The following WRAP73 variants were observed in gnomAD, a reference collection of about 807,000 sequenced individuals.
The protein encoded by WRAP73 is WD repeat-containing protein WRAP73.
Under a neutral mutation model 59.6 loss-of-function variants are expected in WRAP73, and 55 were observed. That is an observed-to-expected ratio of 0.92 (90% confidence interval 0.74 to 1.15). The LOEUF is 1.15. Among genes scored for constraint, WRAP73 ranks in the 50% most tolerant of loss-of-function variants. The pLI is 0.00. For missense variants in WRAP73, 592 were observed against 608.1 expected, an observed-to-expected ratio of 0.97 and a Z score of 0.28; for synonymous variants, 265 against 258.2, an observed-to-expected ratio of 1.03 and a Z score of -0.25.
At chr1:3,635,718 G>A (rs1016416770) in intron 6 of WRAP73, 7 of 532,422 alleles carry the variant, frequency 1.3e-5, no homozygotes, top group Non-Finnish European at 2.3e-5. Flanking sequence ...CTACTTGGGA[G>A]GCTGAGGTAG....
rs1038956939 is a variant in WRAP73, at chr1:3,634,936, G to A, written c.816+61C>T. 45 of 1,568,474 alleles carry A rather than the reference G, an allele frequency of 2.9e-5. No homozygotes were observed. The African/African-American group carries it at 4.2e-4, about 15-fold the overall frequency. On this transcript the variant is annotated intron_variant, in intron 8 of 11. Transcript: ENST00000270708. ...ACAATCAAGAAAGCAAAGTGAAGGA[G>A]CAGTTTCCCACCGCCCTCCCCAACA...
Position 3,630,951 on chromosome 1 carries a change from T to G in WRAP73, c.*24A>C, listed in dbSNP as rs539775517. 1.9e-6 allele frequency: 3 copies of G among 1,605,070 alleles called. No homozygotes were observed. Among genetic ancestry groups the G allele is most frequent in the African/African-American group, 2.7e-5 (2 of 74,898 alleles). ...ACTGGAAACACAGAGTAGCCCTGTTTCTGCACACGTTAGTGCACCGCTGCT... is the reference window on the plus strand; with the variant it reads ...ACTGGAAACACAGAGTAGCCCTGTTGCTGCACACGTTAGTGCACCGCTGCT... On this transcript the variant is annotated 3_prime_UTR_variant, in exon 12 of 12. Transcript: ENST00000270708.
intron 3 of WRAP73, among the ~76,000 whole-genome samples, chr1:3,640,297 A>G (rs1644626723): frequency 6.6e-6 from 1 of 152,272 alleles, no homozygotes; most frequent in South Asian, 2.1e-4. Flanking sequence ...TGAGCGAGGA[A>G]GCGTGCTACT....
chr1:3,645,431 ACGGGCGGG>A lies in WRAP73; in HGVS notation c.339+1227_339+1234del, dbSNP rs1557463680. Among the ~76,000 whole-genome samples the A allele has an allele frequency of 3.8e-4, 40 of 104,956 alleles. 1 individual carries two copies. Among genetic ancestry groups the A allele is most frequent in the East Asian group, 3.3e-3 (10 of 2,988 alleles). 68.9% of individuals were successfully genotyped at this position (104,956 alleles called of 152,430 possible). ...CCCGTGGTGTGCGCGGCGCAGCGGG[ACGGGCGGG>A]TTGCCCCGTGGTGTGCGCCGTGCAG... is the stretch of plus-strand genomic sequence containing the variant. On this transcript the variant is annotated intron_variant, in intron 3 of 11. Coordinates refer to ENST00000270708, the MANE Select transcript of WRAP73 (RefSeq NM_017818.4).
In WRAP73 at chr1:3,639,749, A is replaced by C. The variant is rs999694208; in HGVS notation, c.340-927T>G. 6.9e-6 allele frequency: 1 copy of C among 145,346 alleles called. No individual in the cohort carries two copies. The highest frequency in any genetic ancestry group is 1.5e-5 in the Non-Finnish European group (1 of 67,164). The allele number at this position is 145,346 out of a possible 1,614,324, so 9.0% of individuals were successfully genotyped here. A position where few individuals can be genotyped will look rare whatever the true frequency, so the allele number is the denominator to read the frequency against. On this transcript the variant is annotated intron_variant, in intron 3 of 11. Transcript: ENST00000270708. This position sits in a 1 kb window ranked among gnomAD's most constrained non-coding sequence, Gnocchi z 4.3. The stretch of plus-strand genomic sequence containing the variant: ...TGGGGACACAGGGCTGCGCAGCTCC[A>C]TGTGGGGTGGGGTGCTGACTGCCAG...
At chr1:3,631,715 C>T in intron 10 of WRAP73, 58 bp from the exon 11 acceptor site, 1 of 1,544,554 alleles carries the variant, frequency 6.5e-7, no homozygotes, top group Non-Finnish European at 8.7e-7. Context: ...CTGTGTTGGC[C>T]CTGCCCCTCT....
chr1:3,632,094 C>T lies in WRAP73; in HGVS notation c.1048+119G>A, dbSNP rs373242932. The T allele has an allele frequency of 1.9e-5, 28 of 1,504,194 alleles. No homozygotes were observed. The African/African-American group carries it at 3.2e-4, about 17-fold the overall frequency. 93.2% of individuals were successfully genotyped at this position (1,504,194 alleles called of 1,614,324 possible). On this transcript the variant is annotated intron_variant, in intron 10 of 11. Transcript: ENST00000270708. ...GTGAGCACCTCGGCTACTGCAGAAA[C>T]GTGAAAGGAGGTGACGTGTCGGAAA...
chr1:3,645,121 G>A (rs112569332), intron 3 of WRAP73, among the ~76,000 whole-genome samples: 4 of 152,270 alleles, frequency 2.6e-5, no homozygotes, highest in African/African-American at 7.2e-5. Context: ...TTTTAAAATC[G>A]AAACTGAAAA....
intron 3 of WRAP73, among the ~76,000 whole-genome samples, chr1:3,642,139 G>A (rs757852772): frequency 6.6e-6 from 1 of 152,234 alleles, no homozygotes; most frequent in Non-Finnish European, 1.5e-5. Flanking sequence ...TGTAATGCCA[G>A]CTATACAGGA....
At chr1:3,636,771 T>C (rs934282060) in intron 5 of WRAP73, 3 of 606,834 alleles carry the variant, frequency 4.9e-6, no homozygotes, top group Non-Finnish European at 9.2e-6. Flanking sequence ...TGTGACAGCA[T>C]ATTCACTTTT....
chr1:3,633,635 G>T, intron 8 of WRAP73, 132 bp from the exon 9 acceptor site: 1 of 698,578 alleles, frequency 1.4e-6, no homozygotes, highest in Non-Finnish European at 2.4e-6. Context: ...GCTGCCACCG[G>T]GAGAGACGGA....
In WRAP73 at chr1:3,633,433, G is replaced by A. The variant is rs1027243738; in HGVS notation, c.887C>T (p.Ala296Val). 5.0e-6 allele frequency: 8 copies of A among 1,611,958 alleles called. No individual in the cohort carries two copies. The Admixed American group carries it at 8.3e-5, about 17-fold the overall frequency. The change falls in exon 9 of 12, where the codon GCC becomes GTC. Residue 296 changes from alanine (A) to valine (V), a missense_variant. Transcript: ENST00000270708. ...LGCLSFPPPR[A>V]GAGPLPSSES... ...TGAGCTCGGGAGAGGGCCGGCCCCG[G>A]CCCGGGGCGGCGGGAAGGAGAGGCA...
In WRAP73 at chr1:3,636,083, A is replaced by C. The variant is rs1349282391; in HGVS notation, c.517-53T>G. The stretch of plus-strand genomic sequence containing the variant: ...AATTTGGAAAATATTTTCGTAAATA[A>C]ATAATTGCATTTATGACTGATGTTC... On this transcript the variant is annotated intron_variant, in intron 5 of 11. Coordinates refer to ENST00000270708, the MANE Select transcript of WRAP73 (RefSeq NM_017818.4). 6 of 1,368,136 alleles carry C rather than the reference A, an allele frequency of 4.4e-6. No individual in the cohort carries two copies. In the East Asian group the frequency reaches 1.4e-4, roughly 31 times the overall value. 84.7% of individuals were successfully genotyped at this position (1,368,136 alleles called of 1,614,324 possible).
In WRAP73 at chr1:3,638,800, A is replaced by G. The variant is rs998167824; in HGVS notation, c.362T>C (p.Leu121Ser). 1.9e-6 allele frequency: 3 copies of G among 1,614,186 alleles called. No individual in the cohort carries two copies. The highest frequency in any genetic ancestry group is 2.5e-6 in the Non-Finnish European group (3 of 1,180,014). The change falls in exon 4 of 12, where the codon TTG becomes TCG. Residue 121 changes from leucine to serine, a missense_variant. Coordinates refer to ENST00000270708, the MANE Select transcript of WRAP73 (RefSeq NM_017818.4). ...GATGTAAGACACGGATTTTGTGCACAAGGACCAGACGGTTATCCGCAGCTG... is the reference window on the plus strand; with the variant it reads ...GATGTAAGACACGGATTTTGTGCACGAGGACCAGACGGTTATCCGCAGCTG... ...EFHLRITVWS[L>S]CTKSVSYIKY...
At chr1:3,634,784 C>T in intron 8 of WRAP73, 1 of 616,910 alleles carries the variant, frequency 1.6e-6, no homozygotes, top group Non-Finnish European at 2.9e-6. Flanking sequence ...CAGGCCAGGG[C>T]AAGGCCCACT....
At chr1:3,633,313 C>A in intron 9 of WRAP73, 85 bp downstream of exon 9, 7 of 1,297,384 alleles carry the variant, frequency 5.4e-6, no homozygotes, top group South Asian at 1.2e-5. Context: ...TTTTTTTAAA[C>A]ATAAGGAACA....
rs956387018 is a variant in WRAP73 at position 3,646,872 on chromosome 1, C to T, written c.223-90G>A. ...AGCTCGCTTAAACGCAGCGGAGACC[C>T]GACCGCACAGGGTGTCTTCAAACTC... On this transcript the variant is annotated intron_variant, in intron 2 of 11. Coordinates refer to ENST00000270708, the MANE Select transcript of WRAP73 (RefSeq NM_017818.4). This position sits in a 1 kb window ranked among gnomAD's most constrained non-coding sequence, Gnocchi z 5.1. The T allele has an allele frequency of 4.6e-6, 5 of 1,089,684 alleles. No individual in the cohort carries two copies. The highest frequency in any genetic ancestry group is 6.8e-6 in the Non-Finnish European group (5 of 730,734). 67.5% of individuals were successfully genotyped at this position (1,089,684 alleles called of 1,614,324 possible).
chr1:3,632,437 G>A, intron 9 of WRAP73, 99 bp from the exon 10 acceptor site: 3 of 1,586,422 alleles, frequency 1.9e-6, no homozygotes, highest in Non-Finnish European at 2.6e-6. Context: ...CGCGAACCCA[G>A]CTCCTCTGTT....
In WRAP73 at chr1:3,634,869, G is replaced by A. The variant is rs868868856; in HGVS notation, c.816+128C>T. The A allele has an allele frequency of 4.5e-6, 5 of 1,103,874 alleles. No homozygotes were observed. In the African/African-American group the frequency reaches 7.7e-5, roughly 17 times the overall value. The allele number at this position is 1,103,874 out of a possible 1,614,324, so 68.4% of individuals were successfully genotyped here. Reference sequence around the variant, plus strand: ...GCCAGACGCGTGAAATGTCACAGTAGCAAGTTTACGGTGATGGAAGTGCCC... The same window carrying A: ...GCCAGACGCGTGAAATGTCACAGTAACAAGTTTACGGTGATGGAAGTGCCC... On this transcript the variant is annotated intron_variant, in intron 8 of 11. Transcript: ENST00000270708.
Sources: allele counts gnomAD v4.1 joint callset (sites outside exome capture counted in the v4.1 genomes callset), GRCh38; gene constraint gnomAD v4.1.1; non-coding constraint Gnocchi (gnomAD v3.1); transcripts MANE v1.5; gene names NCBI Gene and HGNC (gene_info 2026-07-23, HGNC 2026-07-21).